Variants in AK5 observed in about 807,000 individuals in gnomAD.
The protein encoded by AK5 is adenylate kinase 5.
Under a neutral mutation model 69.5 loss-of-function variants are expected in AK5, and 27 were observed. The ratio of observed to expected loss-of-function variants is 0.39; its 90% CI spans 0.29 to 0.54. The LOEUF (loss-of-function observed/expected upper bound fraction) is 0.54, where lower values mean the gene tolerates loss of function less well. Ranked by LOEUF, AK5 falls within the 20% of genes least tolerant of loss-of-function variation. The pLI, the probability that AK5 is intolerant of heterozygous loss-of-function variation, is 0.71. For missense variants in AK5, 531 were observed against 700.4 expected, an observed-to-expected ratio of 0.76 and a Z score of 2.73; for synonymous variants, 260 against 244.4, an observed-to-expected ratio of 1.06 and a Z score of -0.60.
At chr1:77,430,008 G>T (rs1651497799) in intron 8 of AK5, among the ~76,000 whole-genome samples, 2 of 152,124 alleles carry the variant, frequency 1.3e-5, no homozygotes, top group Non-Finnish European at 2.9e-5. Flanking sequence ...GAACCTTGAA[G>T]AGTTGGGGTT....
intron 10 of AK5, among the ~76,000 whole-genome samples, chr1:77,492,240 T>C (rs1320449397): frequency 2.0e-5 from 3 of 152,234 alleles, no homozygotes; most frequent in Non-Finnish European, 4.4e-5. Flanking sequence ...AAAATGTGTC[T>C]TTTTTACTGC....
intron 8 of AK5, among the ~76,000 whole-genome samples, chr1:77,464,784 G>A (rs1654040861): frequency 6.6e-6 from 1 of 152,188 alleles, no homozygotes; most frequent in African/African-American, 2.4e-5. Context: ...GAAGTGGAGA[G>A]ACTGGTTTCA....
At chr1:77,283,174 A>G in intron 1 of AK5, 1 of 985,646 alleles carries the variant, frequency 1.0e-6, no homozygotes, top group Non-Finnish European at 1.2e-6. Context: ...GGCTCGAGGA[A>G]TGAACCTTGG....
intron 6 of AK5, among the ~76,000 whole-genome samples, chr1:77,341,173 G>A (rs1343920748): frequency 6.6e-6 from 1 of 152,198 alleles, no homozygotes; most frequent in Admixed American, 6.5e-5. Context: ...GATATTCAAT[G>A]TGCCAATGAA....
intron 8 of AK5, among the ~76,000 whole-genome samples, chr1:77,464,079 T>C (rs1653999438): frequency 7.3e-6 from 1 of 136,748 alleles, no homozygotes; most frequent in Non-Finnish European, 1.5e-5. Flanking sequence ...GGACAGAGTA[T>C]TGTTGTAGCA....
At chr1:77,520,034 T>C (rs371384884) in intron 11 of AK5, among the ~76,000 whole-genome samples, 1 of 152,010 alleles carries the variant, frequency 6.6e-6, no homozygotes, top group South Asian at 2.1e-4. Context: ...AAACCCCATC[T>C]CTACTAAAAC....
At chr1:77,315,825 C>A (rs1660216266) in intron 5 of AK5, among the ~76,000 whole-genome samples, 1 of 151,154 alleles carries the variant, frequency 6.6e-6, no homozygotes, top group Non-Finnish European at 1.5e-5. Context: ...CTTTTTGCAC[C>A]CCAATTTATC....
chr1:77,361,317 C>T (rs147432062), intron 6 of AK5, among the ~76,000 whole-genome samples: 4 of 152,260 alleles, frequency 2.6e-5, no homozygotes, highest in East Asian at 1.9e-4. Flanking sequence ...GGTCTCAAAG[C>T]GACCTGGTTC....
At chr1:77,342,876 C>G (rs1269684103) in intron 6 of AK5, among the ~76,000 whole-genome samples, 2 of 149,806 alleles carry the variant, frequency 1.3e-5, no homozygotes, top group African/African-American at 4.9e-5. Flanking sequence ...CTGATTCATT[C>G]ATTTACTCAT....
At chr1:77,391,690 T>C (rs184337173) in intron 6 of AK5, among the ~76,000 whole-genome samples, 174 of 151,980 alleles carry the variant, frequency 1.1e-3, no homozygotes, top group African/African-American at 4.0e-3. Context: ...ACATTTCCCA[T>C]GTGCAGACAC....
chr1:77,544,450 T>G (rs115793521), intron 13 of AK5, among the ~76,000 whole-genome samples: 5,208 of 152,328 alleles, frequency 0.034, 114 homozygotes, highest in Non-Finnish European at 0.05. Flanking sequence ...AGAACTTAGT[T>G]TAAAACACAA....
chr1:77,292,358 G>C (rs532726579), intron 2 of AK5, among the ~76,000 whole-genome samples: 2 of 152,282 alleles, frequency 1.3e-5, no homozygotes, highest in Non-Finnish European at 2.9e-5. Context: ...AAGCTAAAAT[G>C]AATCTAGTGG....
intron 8 of AK5, among the ~76,000 whole-genome samples, chr1:77,446,402 G>A (rs999428138): frequency 1.3e-5 from 2 of 152,098 alleles, no homozygotes; most frequent in Non-Finnish European, 2.9e-5. Context: ...ATTGCTTTGG[G>A]TATTCAGGAT....
chr1:77,286,919 T>A lies in AK5; in HGVS notation c.61-22T>A, dbSNP rs752549497. On this transcript the variant is annotated intron_variant, in intron 1 of 13. Coordinates refer to ENST00000354567, the MANE Select transcript of AK5 (RefSeq NM_174858.3). ...GTGGGTTTAAAAGATATTTTATTTGTACATATTTTGTTATATTTCAGAGCC... is the reference window on the plus strand; with the variant it reads ...GTGGGTTTAAAAGATATTTTATTTGAACATATTTTGTTATATTTCAGAGCC... 5 of 1,356,244 alleles carry A rather than the reference T, an allele frequency of 3.7e-6. No individual in the cohort carries two copies. The South Asian group carries it at 1.1e-4, about 30-fold the overall frequency. The allele number at this position is 1,356,244 out of a possible 1,614,324, so 84.0% of individuals were successfully genotyped here.
At chr1:77,481,602 A>G (rs1655255874) in intron 8 of AK5, among the ~76,000 whole-genome samples, 1 of 152,208 alleles carries the variant, frequency 6.6e-6, no homozygotes, top group Non-Finnish European at 1.5e-5. Context: ...GTTTACCTCA[A>G]GGGAGTGTTA....
At chr1:77,438,305 A>G (rs998036685) in intron 8 of AK5, among the ~76,000 whole-genome samples, 4 of 142,692 alleles carry the variant, frequency 2.8e-5, no homozygotes, top group Admixed American at 7.0e-5. Context: ...AAAAAAAAAA[A>G]AAAAAAAAAA....
intron 8 of AK5, among the ~76,000 whole-genome samples, chr1:77,453,911 T>C (rs981596347): frequency 6.6e-6 from 1 of 152,252 alleles, no homozygotes; most frequent in African/African-American, 2.4e-5. Flanking sequence ...GCCCTATTCT[T>C]ATTGGTAAAG....
chr1:77,361,441 G>C (rs1333114041), intron 6 of AK5, among the ~76,000 whole-genome samples: 1 of 152,144 alleles, frequency 6.6e-6, no homozygotes, highest in Admixed American at 6.6e-5. Context: ...TTAAGACTAA[G>C]TGAAATAATA....
At chr1:77,386,237 CCATTCCTTCCAAGAGTCTAT>C (rs1312334430) in intron 6 of AK5, among the ~76,000 whole-genome samples, 1 of 152,114 alleles carries the variant, frequency 6.6e-6, no homozygotes, top group Non-Finnish European at 1.5e-5. Flanking sequence ...TGCAAGAAGT[CCATTCCTTCCAAGAGTCTAT>C]CATTTATTCA....
Sources: gnomAD v4.1 joint callset for allele counts (sites outside exome capture counted in the v4.1 genomes callset) on GRCh38, gnomAD v4.1.1 for gene constraint, MANE v1.5 for transcripts, NCBI Gene and HGNC (gene_info 2026-07-23, HGNC 2026-07-21) for gene names.